The following KIF16B variants were observed in gnomAD, a reference collection of about 807,000 sequenced individuals.
The protein encoded by KIF16B is kinesin family member 16B.
A neutral mutation model predicts 156.3 loss-of-function variants in KIF16B; 98 were observed. The ratio of observed to expected loss-of-function variants is 0.63; its 90% CI spans 0.53 to 0.74. The LOEUF (loss-of-function observed/expected upper bound fraction) is 0.74, where lower values mean the gene tolerates loss of function less well. Among genes scored for constraint, KIF16B ranks in the 30% least tolerant of loss-of-function variants. KIF16B has a pLI of 0.00. For missense variants in KIF16B, 1,421 were observed against 1,606.5 expected (o/e 0.88, Z 1.97); for synonymous variants, 564 against 583.7 (o/e 0.97, Z 0.49).
intron 1 of KIF16B, among the ~76,000 whole-genome samples, chr20:16,567,696 AT>A (rs1488713728): frequency 9.8e-5 from 15 of 152,318 alleles, no homozygotes; most frequent in African/African-American, 3.6e-4. Context: ...CACGCCTGTA[AT>A]ACCAGCACTT....
rs2069123310 is a variant in KIF16B, at chr20:16,515,729, T to C, written c.232-65A>G. Reference sequence around the variant, plus strand: ...TAGATTTTAATAATAGCCCCTTCAGTGTTGACAATGTTCTTGAATGATACT... The same window carrying C: ...TAGATTTTAATAATAGCCCCTTCAGCGTTGACAATGTTCTTGAATGATACT... On this transcript the variant is annotated intron_variant, in intron 3 of 25. Transcript: ENST00000354981. 8.4e-6 allele frequency: 7 copies of C among 837,660 alleles called. No individual in the cohort carries two copies. In the South Asian group the frequency reaches 1.0e-4, roughly 12 times the overall value. The allele number at this position is 837,660 out of a possible 1,614,324, so 51.9% of individuals were successfully genotyped here.
chr20:16,424,974 T>C (rs1202121764), intron 15 of KIF16B, among the ~76,000 whole-genome samples: 1 of 152,128 alleles, frequency 6.6e-6, no homozygotes, highest in Non-Finnish European at 1.5e-5. Context: ...AATACAGATA[T>C]TTCACAATAC....
At position 16,405,434 on chromosome 20, in the gene KIF16B, C is replaced by T. The variant is rs545479560; in HGVS notation, c.1696-533G>A. On this transcript the variant is annotated intron_variant, in intron 16 of 25. Coordinates refer to ENST00000354981, the MANE Select transcript of KIF16B (RefSeq NM_024704.5). The stretch of plus-strand genomic sequence containing the variant: ...CCTCTAGGGAGACCCTGGGCTAGAG[C>T]AGATAAGAGGCTCCACTGGCCGGAA... Among the ~76,000 whole-genome samples, 4 of 152,268 alleles carry T rather than the reference C, an allele frequency of 2.6e-5. No individual in the cohort carries two copies. In the South Asian group the frequency reaches 6.2e-4, roughly 24 times the overall value.
intron 3 of KIF16B, among the ~76,000 whole-genome samples, chr20:16,519,042 C>A (rs191691650): frequency 2.0e-5 from 3 of 152,262 alleles, no homozygotes; most frequent in Admixed American, 1.3e-4. Flanking sequence ...GTCTACAAAC[C>A]TGAGCAAGTT....
At chr20:16,512,104 G>A (rs2068973416) in intron 5 of KIF16B, among the ~76,000 whole-genome samples, 1 of 151,900 alleles carries the variant, frequency 6.6e-6, no homozygotes, top group South Asian at 2.1e-4. Context: ...CCAAGAGTGT[G>A]CCACTGCACC....
At chr20:16,459,212 T>G (rs114468815) in intron 12 of KIF16B, among the ~76,000 whole-genome samples, 2,084 of 152,292 alleles carry the variant, frequency 0.014, 49 homozygotes, top group African/African-American at 0.048. Flanking sequence ...AAATATTCAT[T>G]GACTAATATA....
chr20:16,565,943 G>T (rs979156646), intron 1 of KIF16B, among the ~76,000 whole-genome samples: 2 of 152,230 alleles, frequency 1.3e-5, no homozygotes, highest in Admixed American at 1.3e-4. Flanking sequence ...CAAAAAGCAG[G>T]ATATAGAAGT....
intron 25 of KIF16B, among the ~76,000 whole-genome samples, chr20:16,292,562 A>C (rs1485389977): frequency 6.6e-6 from 1 of 152,226 alleles, no homozygotes; most frequent in Non-Finnish European, 1.5e-5. Flanking sequence ...AACAAGTCTG[A>C]AAAAGAGGGA....
rs2064821734 is a variant in KIF16B at position 16,371,600 on chromosome 20, A to T, written c.3447+65T>A. On this transcript the variant is annotated intron_variant, in intron 21 of 25. Transcript: ENST00000354981. Reference sequence around the variant, plus strand: ...ACAAGACTCAGTCTCAAAAAAAAAAAAAAAAAGGAAAAAAGAAAGATGAAC... The same window carrying T: ...ACAAGACTCAGTCTCAAAAAAAAAATAAAAAAGGAAAAAAGAAAGATGAAC... The T allele has an allele frequency of 2.8e-6, 3 of 1,070,480 alleles. No individual in the cohort carries two copies. In the South Asian group the frequency reaches 4.4e-5, roughly 16 times the overall value. The allele number at this position is 1,070,480 out of a possible 1,614,324, so 66.3% of individuals were successfully genotyped here.
intron 12 of KIF16B, among the ~76,000 whole-genome samples, chr20:16,457,164 C>G (rs1357926980): frequency 6.6e-6 from 1 of 152,074 alleles, no homozygotes; most frequent in Non-Finnish European, 1.5e-5. Context: ...TCTGGGAGAC[C>G]TTTGGTCATA....
At chr20:16,318,581 AAG>A (rs1198276059) in intron 24 of KIF16B, among the ~76,000 whole-genome samples, 29 of 152,294 alleles carry the variant, frequency 1.9e-4, no homozygotes, top group African/African-American at 7.0e-4. Flanking sequence ...CATCAAGTGA[AAG>A]AGCTCCCAGT....
At chr20:16,441,990 G>C (rs1169641173) in intron 12 of KIF16B, among the ~76,000 whole-genome samples, 1 of 152,088 alleles carries the variant, frequency 6.6e-6, no homozygotes, top group Non-Finnish European at 1.5e-5. Context: ...ATACAGTCCT[G>C]CATCACTTAA....
chr20:16,504,442 T>C lies in KIF16B; in HGVS notation c.1106A>G (p.Asn369Ser), dbSNP rs751344634. ...INKPTINEDA[N>S]VKLIRELRAE... ...TCGCAGCTCACGGATAAGTTTGACG[T>C]TGGCATCCTCATTAATGGTAGGCTT... Residue 369 changes from asparagine (N) to serine (S), a missense_variant, in exon 10 of 26, where the codon AAC becomes AGC. Coordinates refer to ENST00000354981, the MANE Select transcript of KIF16B (RefSeq NM_024704.5). 36 of 1,614,018 alleles carry C rather than the reference T, an allele frequency of 2.2e-5. No individual in the cohort carries two copies. Among genetic ancestry groups the C allele is most frequent in the Non-Finnish European group, 2.9e-5 (34 of 1,179,990 alleles).
intron 15 of KIF16B, among the ~76,000 whole-genome samples, chr20:16,416,279 T>G (rs1423874312): frequency 6.6e-6 from 1 of 152,206 alleles, no homozygotes; most frequent in Admixed American, 6.5e-5. Flanking sequence ...CATAAAAATC[T>G]TTGCCCATGC....
At position 16,497,606 on chromosome 20, in the gene KIF16B, C is replaced by A; in HGVS notation, c.1242+7G>T. The A allele has an allele frequency of 6.3e-7, 1 of 1,599,616 alleles. No individual in the cohort carries two copies. Among genetic ancestry groups the A allele is most frequent in the Non-Finnish European group, 8.6e-7 (1 of 1,167,432 alleles). ...GATTTAAAAATATAAGTCAAAGTATCACTTACTCTTGCTTCATTCTGCTGA... is the reference window on the plus strand; with the variant it reads ...GATTTAAAAATATAAGTCAAAGTATAACTTACTCTTGCTTCATTCTGCTGA... On this transcript the variant is annotated splice_region_variant and intron_variant, in intron 11 of 25. Transcript: ENST00000354981.
chr20:16,344,619 C>T (rs1351661189), intron 23 of KIF16B, among the ~76,000 whole-genome samples: 1 of 152,168 alleles, frequency 6.6e-6, no homozygotes, highest in African/African-American at 2.4e-5. Context: ...AAACTGAGTG[C>T]CTATGGTGTC....
intron 12 of KIF16B, among the ~76,000 whole-genome samples, chr20:16,430,937 A>G (rs770150071): frequency 7.4e-5 from 11 of 148,418 alleles, no homozygotes; most frequent in Admixed American, 1.3e-4. Flanking sequence ...CATTAAAAAA[A>G]ACAAAAAACA....
At chr20:16,453,868 A>G (rs2146623642) in intron 12 of KIF16B, among the ~76,000 whole-genome samples, 1 of 152,332 alleles carries the variant, frequency 6.6e-6, no homozygotes, top group South Asian at 2.1e-4. Context: ...GAATTTGGCA[A>G]TATCTTTCTA....
At chr20:16,370,416 C>T (rs1013334820) in intron 22 of KIF16B, among the ~76,000 whole-genome samples, 170 bp downstream of exon 22, 1 of 152,212 alleles carries the variant, frequency 6.6e-6, no homozygotes, top group African/African-American at 2.4e-5. Context: ...TTTCAAACTA[C>T]AGGATTCCGT....
Sources: gnomAD v4.1 joint callset for allele counts (sites outside exome capture counted in the v4.1 genomes callset) on GRCh38, gnomAD v4.1.1 for gene constraint, MANE v1.5 for transcripts, NCBI Gene and HGNC (gene_info 2026-07-23, HGNC 2026-07-21) for gene names.